Variants in PRDM16 observed in about 807,000 individuals in gnomAD.
PRDM16 encodes the protein histone-lysine N-methyltransferase PRDM16.
A neutral mutation model predicts 110.6 loss-of-function variants in PRDM16; 23 were observed. That is an observed-to-expected ratio of 0.21 (90% CI 0.15 to 0.29). PRDM16 has a LOEUF of 0.29. PRDM16 is among the 10% of genes least tolerant of loss of function. PRDM16 has a pLI of 1.00. For synonymous variants in PRDM16, 799 were observed against 781.8 expected (o/e 1.02, Z -0.37); for missense variants, 1,615 against 1,794.3 (o/e 0.90, Z 1.81).
chr1:3,159,627 G>A (rs1309072933), intron 1 of PRDM16, among the ~76,000 whole-genome samples: 1 of 152,226 alleles, frequency 6.6e-6, no homozygotes, highest in Non-Finnish European at 1.5e-5. Flanking sequence ...TTCAAGGTGT[G>A]AATTTGGGAG....
At chr1:3,202,997 A>C (rs1638669207) in intron 2 of PRDM16, among the ~76,000 whole-genome samples, 1 of 152,190 alleles carries the variant, frequency 6.6e-6, no homozygotes, top group Non-Finnish European at 1.5e-5. Context: ...ATAATTTTCC[A>C]CTGGTCGTAC....
At chr1:3,232,762 G>A (rs1370256359) in intron 2 of PRDM16, among the ~76,000 whole-genome samples, 7 of 152,100 alleles carry the variant, frequency 4.6e-5, no homozygotes, top group African/African-American at 1.2e-4. Flanking sequence ...ATCCACTTTC[G>A]GATCTTGAAA....
intron 3 of PRDM16, among the ~76,000 whole-genome samples, chr1:3,333,280 C>T: frequency 6.6e-6 from 1 of 152,146 alleles, no homozygotes; most frequent in Non-Finnish European, 1.5e-5. Flanking sequence ...GCAGGAGTAG[C>T]AGAGACCCCC....
intron 1 of PRDM16, among the ~76,000 whole-genome samples, chr1:3,077,548 G>GTAAA (rs1214597417): frequency 6.6e-6 from 1 of 152,262 alleles, no homozygotes; most frequent in Non-Finnish European, 1.5e-5. Flanking sequence ...GTCCACCAGG[G>GTAAA]TGTTTAGTAG....
At chr1:3,159,799 G>T (rs1409205301) in intron 1 of PRDM16, among the ~76,000 whole-genome samples, 1 of 152,178 alleles carries the variant, frequency 6.6e-6, no homozygotes, top group Non-Finnish European at 1.5e-5. Flanking sequence ...TGCCCAGAGG[G>T]ACCACGAGAG....
chr1:3,383,289 C>T (rs1274898264), intron 3 of PRDM16, among the ~76,000 whole-genome samples: 3 of 152,192 alleles, frequency 2.0e-5, no homozygotes, highest in Non-Finnish European at 4.4e-5. Flanking sequence ...AGCACAGGGA[C>T]CCCAGGAGCA....
chr1:3,229,610 C>A (rs1639361957), intron 2 of PRDM16, among the ~76,000 whole-genome samples: 1 of 152,202 alleles, frequency 6.6e-6, no homozygotes, highest in Non-Finnish European at 1.5e-5. Context: ...CGGATCGGAT[C>A]CCAGTCCCAC....
In PRDM16 at chr1:3,290,033, C is replaced by A. The variant is rs1640937586; in HGVS notation, c.438+45896C>A. On this transcript the variant is annotated intron_variant, in intron 3 of 16. Coordinates refer to ENST00000270722, the MANE Select transcript of PRDM16 (RefSeq NM_022114.4). The surrounding 1 kb of genome is among the most constrained non-coding windows in gnomAD (Gnocchi z 4.8). ...CCTGGGGCTGCCCCTGCTGCTGTGC[C>A]TCCCCTGGTGGAGCGGTTTCTGGCT... is the stretch of plus-strand genomic sequence containing the variant. Among the ~76,000 whole-genome samples, 1 of 152,102 alleles carries A rather than the reference C, an allele frequency of 6.6e-6. No individual in the cohort carries two copies. Among genetic ancestry groups the A allele is most frequent in the South Asian group, 2.1e-4 (1 of 4,820 alleles).
In PRDM16 at chr1:3,190,921, C is replaced by G. The variant is rs1055384566; in HGVS notation, c.387+4447C>G. On this transcript the variant is annotated intron_variant, in intron 2 of 16. Coordinates refer to ENST00000270722, the MANE Select transcript of PRDM16 (RefSeq NM_022114.4). The surrounding 1 kb of genome is among the most constrained non-coding windows in gnomAD (Gnocchi z 5.0). ...ATGGGTGAGGCACTGGGGAGGCCAC[C>G]TGCCCCCGGCTGGGCCTTCAGCTGT... 3.9e-5 allele frequency among the ~76,000 whole-genome samples: 6 copies of G among 152,184 alleles called. No homozygotes were observed. The highest frequency in any genetic ancestry group is 1.4e-4 in the African/African-American group (6 of 41,450).
intron 2 of PRDM16, among the ~76,000 whole-genome samples, chr1:3,227,423 C>T (rs373068101): frequency 1.3e-5 from 2 of 152,384 alleles, no homozygotes; most frequent in African/African-American, 2.4e-5. Context: ...TTGACCCCCA[C>T]GGGCCTCCGT....
intron 3 of PRDM16, among the ~76,000 whole-genome samples, chr1:3,380,197 C>G (rs1643078343): frequency 6.6e-6 from 1 of 151,416 alleles, no homozygotes; most frequent in East Asian, 2.0e-4. Context: ...GGTTCAGGGC[C>G]CTCAGACCAG....
chr1:3,288,575 G>A (rs746539698), intron 3 of PRDM16, among the ~76,000 whole-genome samples: 7 of 152,152 alleles, frequency 4.6e-5, no homozygotes, highest in Admixed American at 1.3e-4. Flanking sequence ...CAGCCCAAGC[G>A]GGGGACCAAT....
intron 3 of PRDM16, among the ~76,000 whole-genome samples, chr1:3,373,889 G>C (rs1642949684): frequency 6.6e-6 from 1 of 152,250 alleles, no homozygotes; most frequent in African/African-American, 2.4e-5. Flanking sequence ...GACAGAGCAG[G>C]GAACAGACCC....
chr1:3,187,336 G>A (rs1012899903), intron 2 of PRDM16, among the ~76,000 whole-genome samples: 5 of 152,216 alleles, frequency 3.3e-5, no homozygotes, highest in Admixed American at 3.3e-4. Context: ...AACACCAGTC[G>A]GATTCCCCCT....
chr1:3,327,299 C>A (rs1641935080), intron 3 of PRDM16, among the ~76,000 whole-genome samples: 2 of 152,212 alleles, frequency 1.3e-5, no homozygotes, highest in African/African-American at 2.4e-5. Flanking sequence ...GGAGGCGGCA[C>A]CACAGGCCGG....
At chr1:3,346,310 T>C (rs963733944) in intron 3 of PRDM16, among the ~76,000 whole-genome samples, 1 of 152,138 alleles carries the variant, frequency 6.6e-6, no homozygotes, top group African/African-American at 2.4e-5. Flanking sequence ...CTGTGTGACA[T>C]AGGCTGGGGG....
intron 3 of PRDM16, among the ~76,000 whole-genome samples, chr1:3,264,469 G>C (rs770129239): frequency 6.7e-6 from 1 of 148,978 alleles, no homozygotes; most frequent in East Asian, 2.0e-4. Context: ...AGGAGCATCC[G>C]AGGACCCTAG....
chr1:3,338,463 C>T (rs1163947931), intron 3 of PRDM16, among the ~76,000 whole-genome samples: 1 of 152,248 alleles, frequency 6.6e-6, no homozygotes, highest in African/African-American at 2.4e-5. Context: ...GCCAAGGTGC[C>T]CTCCTGGCTT....
At chr1:3,363,073 G>A (rs1224603231) in intron 3 of PRDM16, among the ~76,000 whole-genome samples, 7 of 152,306 alleles carry the variant, frequency 4.6e-5, no homozygotes, top group African/African-American at 9.6e-5. Context: ...CCACCCTGCC[G>A]GAGTGGGGCC....
Sources: allele counts gnomAD v4.1 joint callset (sites outside exome capture counted in the v4.1 genomes callset), GRCh38; gene constraint gnomAD v4.1.1; non-coding constraint Gnocchi (gnomAD v3.1); transcripts MANE v1.5; gene names NCBI Gene and HGNC (gene_info 2026-07-23, HGNC 2026-07-21).